The following SHANK2 variants were observed in gnomAD, a reference collection of about 807,000 sequenced individuals.
SHANK2 encodes SH3 and multiple ankyrin repeat domains protein 2.
SHANK2 carries 43 observed loss-of-function variants against 133.7 expected under a neutral mutation model. The observed-to-expected ratio is 0.32, with a 90% CI of 0.25 to 0.41. SHANK2 has a LOEUF of 0.41. Ranked by LOEUF, SHANK2 falls within the 10% of genes least tolerant of loss-of-function variation. The pLI is 1.00. For missense variants in SHANK2, 1,994 were observed against 2,235.8 expected, an observed-to-expected ratio of 0.89 and a Z score of 2.18; for synonymous variants, 1,017 against 952.8, an observed-to-expected ratio of 1.07 and a Z score of -1.24.
chr11:70,696,255 G>C (rs1945389337), intron 15 of SHANK2, among the ~76,000 whole-genome samples: 1 of 152,120 alleles, frequency 6.6e-6, no homozygotes, highest in African/African-American at 2.4e-5. Flanking sequence ...CCATGTCCCT[G>C]GTATTTTCTG....
chr11:70,740,552 C>T (rs540852503), intron 14 of SHANK2, among the ~76,000 whole-genome samples: 2 of 152,250 alleles, frequency 1.3e-5, no homozygotes, highest in South Asian at 2.1e-4. Flanking sequence ...TGGGGTGATG[C>T]GTCAGAGGAA....
At chr11:70,744,906 T>C (rs1257566333) in intron 14 of SHANK2, among the ~76,000 whole-genome samples, 1 of 152,122 alleles carries the variant, frequency 6.6e-6, no homozygotes, top group African/African-American at 2.4e-5. Context: ...TGAGTCCAGG[T>C]AGCCACTTCC....
At chr11:70,614,514 T>C (rs1265355941) in intron 17 of SHANK2, among the ~76,000 whole-genome samples, 4 of 152,128 alleles carry the variant, frequency 2.6e-5, no homozygotes, top group South Asian at 4.1e-4. Context: ...TGTTTCACCA[T>C]ATGGGCTAGG....
chr11:71,212,527 G>A lies in SHANK2; in HGVS notation c.-13+12170C>T, dbSNP rs1954304372. On this transcript the variant is annotated intron_variant, in intron 2 of 25. Transcript: ENST00000601538. ...CCCAGTGAGCATCCATGTGCATCAT[G>A]TGGCTGTTTCCAGGGGCTGCAGTGA... Among the ~76,000 whole-genome samples the A allele has an allele frequency of 2.0e-5, 3 of 152,180 alleles. No homozygotes were observed. In the South Asian group the frequency reaches 6.2e-4, roughly 31 times the overall value.
intron 14 of SHANK2, among the ~76,000 whole-genome samples, chr11:70,761,049 G>A (rs1555040103): frequency 2.6e-5 from 4 of 152,164 alleles, no homozygotes. Context: ...CCACTGGGAG[G>A]AGAGCGTGGG....
chr11:71,086,964 A>G (rs1375369068), intron 8 of SHANK2, among the ~76,000 whole-genome samples: 1 of 152,228 alleles, frequency 6.6e-6, no homozygotes, highest in African/African-American at 2.4e-5. Flanking sequence ...ATGAACAGGC[A>G]GCAGACCACC....
intron 10 of SHANK2, among the ~76,000 whole-genome samples, chr11:70,934,143 G>A (rs1283022193): frequency 6.7e-6 from 1 of 150,372 alleles, no homozygotes; most frequent in Non-Finnish European, 1.5e-5. Context: ...GAGGCGGGAG[G>A]ATCACTTAAG....
intron 23 of SHANK2, 50 bp from the exon 24 acceptor site, chr11:70,489,398 C>T (rs374039435): frequency 2.3e-5 from 37 of 1,598,166 alleles, no homozygotes; most frequent in East Asian, 1.1e-4. Flanking sequence ...AAGACAAATA[C>T]GCAGCTTTCC....
At chr11:70,481,266 G>A (rs868987658) in intron 25 of SHANK2, among the ~76,000 whole-genome samples, 4 of 152,246 alleles carry the variant, frequency 2.6e-5, no homozygotes, top group East Asian at 1.9e-4. Flanking sequence ...TTTCGTCGGC[G>A]TATTTGTAAT....
intron 11 of SHANK2, among the ~76,000 whole-genome samples, chr11:70,895,144 G>A (rs1237555195): frequency 2.0e-5 from 3 of 152,210 alleles, no homozygotes; most frequent in Non-Finnish European, 2.9e-5. Context: ...GGGAGGCCCC[G>A]AGGCTCTGCA....
At chr11:71,223,205 G>A (rs781961126) in intron 2 of SHANK2, among the ~76,000 whole-genome samples, 8 of 151,870 alleles carry the variant, frequency 5.3e-5, no homozygotes, top group Non-Finnish European at 7.4e-5. Context: ...CAACTGCGAT[G>A]GTGGCCAGGA....
chr11:70,901,360 A>G (rs1394531876), intron 10 of SHANK2, among the ~76,000 whole-genome samples: 1 of 152,224 alleles, frequency 6.6e-6, no homozygotes, highest in African/African-American at 2.4e-5. Flanking sequence ...GAGGGTTATG[A>G]CAAGCCACAC....
rs782538644 is a variant in SHANK2, at chr11:70,896,488, C to T, written c.1174+13G>A. On this transcript the variant is annotated intron_variant, in intron 11 of 25. Transcript: ENST00000601538. The stretch of plus-strand genomic sequence containing the variant: ...ACCAAATCCCAACACAGTTTCTCCA[C>T]GTGCCTACTCACCAATGTCTGTTTC... 2.7e-5 allele frequency: 19 copies of T among 713,870 alleles called. No individual in the cohort carries two copies. Among genetic ancestry groups the T allele is most frequent in the Non-Finnish European group, 3.4e-5 (13 of 381,500 alleles). The allele number at this position is 713,870 out of a possible 1,614,324, so 44.2% of individuals were successfully genotyped here.
intron 10 of SHANK2, among the ~76,000 whole-genome samples, chr11:70,935,946 G>A (rs1389368713): frequency 3.3e-5 from 5 of 152,136 alleles, no homozygotes; most frequent in African/African-American, 4.8e-5. Context: ...GTTCACACCC[G>A]CCAAGGACCA....
chr11:70,643,134 G>A (rs782753588), intron 17 of SHANK2, among the ~76,000 whole-genome samples: 3 of 152,286 alleles, frequency 2.0e-5, no homozygotes, highest in South Asian at 2.1e-4. Context: ...TTCCTCCAAC[G>A]GGTTACCTTG....
At chr11:70,944,469 G>A (rs1555085020) in intron 10 of SHANK2, among the ~76,000 whole-genome samples, 1 of 152,204 alleles carries the variant, frequency 6.6e-6, no homozygotes, top group Non-Finnish European at 1.5e-5. Flanking sequence ...TCGAGAACAC[G>A]TGCATCTGAA....
chr11:71,136,683 T>G (rs1488345310), intron 3 of SHANK2, among the ~76,000 whole-genome samples: 8 of 152,234 alleles, frequency 5.3e-5, no homozygotes, highest in Non-Finnish European at 2.9e-5. Flanking sequence ...CACATGTTGT[T>G]TGACTCCATG....
intron 17 of SHANK2, among the ~76,000 whole-genome samples, chr11:70,648,191 G>A (rs1169598299): frequency 2.0e-5 from 3 of 152,170 alleles, no homozygotes; most frequent in Non-Finnish European, 2.9e-5. Flanking sequence ...GAAAATGCCC[G>A]GAACAGGCAG....
intron 14 of SHANK2, among the ~76,000 whole-genome samples, chr11:70,700,315 A>C (rs1251270258): frequency 9.9e-5 from 15 of 152,112 alleles, no homozygotes; most frequent in Admixed American, 9.8e-4. Context: ...TCAATAGTTT[A>C]ACTGCCATGA....
Sources: gnomAD v4.1 joint callset for allele counts (sites outside exome capture counted in the v4.1 genomes callset) on GRCh38, gnomAD v4.1.1 for gene constraint, MANE v1.5 for transcripts, NCBI Gene and HGNC (gene_info 2026-07-23, HGNC 2026-07-21) for gene names.